Variants in CLEC16A observed in about 807,000 individuals in gnomAD.
The protein encoded by CLEC16A is protein CLEC16A.
A neutral mutation model predicts 109.5 loss-of-function variants in CLEC16A; 51 were observed. That is an observed-to-expected ratio of 0.47 (90% CI 0.37 to 0.59). The LOEUF is 0.59. Ranked by LOEUF, CLEC16A falls within the 20% of genes least tolerant of loss-of-function variation. The pLI, the probability that CLEC16A is intolerant of heterozygous loss-of-function variation, is 0.00. For synonymous variants in CLEC16A, 673 were observed against 564.2 expected, an observed-to-expected ratio of 1.19 and a Z score of -2.73; for missense variants, 1,339 against 1,394.0, an observed-to-expected ratio of 0.96 and a Z score of 0.63.
chr16:10,959,137 T>TATC (rs147035449), intron 2 of CLEC16A, among the ~76,000 whole-genome samples: 382 of 152,270 alleles, frequency 2.5e-3, no homozygotes, highest in African/African-American at 8.8e-3. Flanking sequence ...TCTTATTAGA[T>TATC]ATCCGAATAA....
intron 5 of CLEC16A, 187 bp from the exon 6 acceptor site, chr16:10,972,367 T>C (rs2042833436): frequency 1.7e-6 from 1 of 591,048 alleles, no homozygotes; most frequent in East Asian, 2.9e-5. Flanking sequence ...CAAGCCACAG[T>C]TGGTTCTGCT....
intron 22 of CLEC16A, among the ~76,000 whole-genome samples, chr16:11,138,318 C>T (rs1221747052): frequency 2.0e-5 from 3 of 152,312 alleles, no homozygotes; most frequent in Admixed American, 2.0e-4. Flanking sequence ...AAAGGTGTGG[C>T]TGCAGGGTAG....
intron 22 of CLEC16A, chr16:11,156,928 C>T (rs1418941745): frequency 8.4e-5 from 19 of 225,976 alleles, no homozygotes; most frequent in Non-Finnish European, 1.2e-4. Flanking sequence ...CCCCCCCCCC[C>T]ACCCACCCCC....
intron 10 of CLEC16A, among the ~76,000 whole-genome samples, chr16:10,988,301 C>G (rs915018675): frequency 1.3e-5 from 2 of 151,972 alleles, no homozygotes; most frequent in Non-Finnish European, 2.9e-5. Flanking sequence ...ATCTATTCAT[C>G]CATTCCTTCA....
chr16:11,044,282 A>G (rs1012158997), intron 16 of CLEC16A: 4 of 389,904 alleles, frequency 1.0e-5, no homozygotes, highest in Non-Finnish European at 1.8e-5. Context: ...ATTTTTGAGG[A>G]CTCAGCCCCA....
chr16:10,963,927 G>A (rs2042376013), intron 3 of CLEC16A, among the ~76,000 whole-genome samples: 1 of 152,228 alleles, frequency 6.6e-6, no homozygotes, highest in South Asian at 2.1e-4. Context: ...TGTCCCCAGT[G>A]CCGAGGCTGA....
chr16:11,098,672 G>C (rs2050741701), intron 19 of CLEC16A, among the ~76,000 whole-genome samples: 1 of 152,242 alleles, frequency 6.6e-6, no homozygotes, highest in African/African-American at 2.4e-5. Flanking sequence ...GGTGCCCCAG[G>C]CTGCCAATGG....
At chr16:10,980,479 A>G (rs2043260577) in intron 9 of CLEC16A, among the ~76,000 whole-genome samples, 1 of 151,992 alleles carries the variant, frequency 6.6e-6, no homozygotes, top group Non-Finnish European at 1.5e-5. Flanking sequence ...TCTCAGCCCC[A>G]GGAATCATAT....
rs1011358951 is a variant in CLEC16A at position 11,174,912 on chromosome 16, G to A, written c.2807-3423G>A. On this transcript the variant is annotated intron_variant, in intron 23 of 23. Coordinates refer to ENST00000409790, the MANE Select transcript of CLEC16A (RefSeq NM_015226.3). The surrounding 1 kb of genome is among the most constrained non-coding windows in gnomAD (Gnocchi z 4.7). ...GGGCCACCACCCAGCAGCCTGGCTC[G>A]CTGTCGGGGCCATCCCTGCTGCCTC... Among the ~76,000 whole-genome samples the A allele has an allele frequency of 2.0e-5, 3 of 152,226 alleles. No individual in the cohort carries two copies. The highest frequency in any genetic ancestry group is 2.9e-5 in the Non-Finnish European group (2 of 68,036).
intron 19 of CLEC16A, among the ~76,000 whole-genome samples, chr16:11,077,867 C>G (rs962052026): frequency 6.6e-6 from 1 of 151,460 alleles, no homozygotes; most frequent in Non-Finnish European, 1.5e-5. Flanking sequence ...GCCGGTAATC[C>G]CAGCACTTTG....
chr16:11,031,350 G>T (rs1470221141), intron 13 of CLEC16A, among the ~76,000 whole-genome samples: 1 of 152,172 alleles, frequency 6.6e-6, no homozygotes, highest in Non-Finnish European at 1.5e-5. Context: ...TGTTCTCCAT[G>T]GGCTTCCTTC....
chr16:11,064,045 A>C (rs1408516886), intron 19 of CLEC16A, among the ~76,000 whole-genome samples: 2 of 152,052 alleles, frequency 1.3e-5, no homozygotes, highest in African/African-American at 4.8e-5. Flanking sequence ...TTCTAGAGAA[A>C]ATAGCATCAT....
At chr16:10,973,781 G>C (rs1380663139) in intron 7 of CLEC16A, among the ~76,000 whole-genome samples, 1 of 151,184 alleles carries the variant, frequency 6.6e-6, no homozygotes, top group Non-Finnish European at 1.5e-5. Context: ...ATGTTGCCCA[G>C]GCCAATCTTG....
chr16:11,143,151 G>A (rs921636094), intron 22 of CLEC16A, among the ~76,000 whole-genome samples: 6 of 152,280 alleles, frequency 3.9e-5, no homozygotes, highest in East Asian at 1.9e-4. Context: ...TGTGTGCCAC[G>A]CCCTGTGCTT....
intron 11 of CLEC16A, among the ~76,000 whole-genome samples, chr16:11,010,515 T>C (rs116092407): frequency 8.7e-4 from 132 of 152,256 alleles, no homozygotes; most frequent in African/African-American, 3.1e-3. Context: ...CCCTGTAACA[T>C]TTCATACCAT....
chr16:11,155,495 T>C (rs1193351821), intron 22 of CLEC16A, among the ~76,000 whole-genome samples: 1 of 152,254 alleles, frequency 6.6e-6, no homozygotes, highest in African/African-American at 2.4e-5. Flanking sequence ...CGGTTAGCCA[T>C]GTCCCACAGG....
intron 13 of CLEC16A, 120 bp from the exon 14 acceptor site, chr16:11,039,632 GAA>G: frequency 1.7e-6 from 2 of 1,167,096 alleles, no homozygotes; most frequent in Non-Finnish European, 2.3e-6. Context: ...AAAAGGAAAA[GAA>G]ATCACCAAGA....
intron 22 of CLEC16A, chr16:11,150,048 A>G (rs2054234037): frequency 1.3e-5 from 2 of 152,202 alleles, no homozygotes; most frequent in Admixed American, 6.5e-5. Flanking sequence ...TCAGGTATTT[A>G]TGGGCGGGTT....
chr16:11,000,663 T>TA (rs2044616232), intron 10 of CLEC16A, among the ~76,000 whole-genome samples: 1 of 152,206 alleles, frequency 6.6e-6, no homozygotes, highest in Non-Finnish European at 1.5e-5. Flanking sequence ...GCGTCTGTAA[T>TA]ACGCTATCTG....
Sources: gnomAD v4.1 joint callset for allele counts (sites outside exome capture counted in the v4.1 genomes callset) on GRCh38, gnomAD v4.1.1 for gene constraint, Gnocchi (gnomAD v3.1) non-coding constraint, MANE v1.5 for transcripts, NCBI Gene and HGNC (gene_info 2026-07-23, HGNC 2026-07-21) for gene names.